Variants in CNTN1 observed in about 807,000 individuals in gnomAD.
CNTN1 encodes the protein contactin-1.
Under a neutral mutation model 126.4 loss-of-function variants are expected in CNTN1, and 38 were observed. That is an observed-to-expected ratio of 0.30 (90% CI 0.23 to 0.39). The LOEUF is 0.39. CNTN1 is among the 10% of genes least tolerant of loss of function. CNTN1 has a pLI of 1.00. For missense variants in CNTN1, 1,009 were observed against 1,248.4 expected (o/e 0.81, Z 2.89); for synonymous variants, 413 against 422.6 (o/e 0.98, Z 0.28).
intron 19 of CNTN1, among the ~76,000 whole-genome samples, chr12:41,019,767 T>C (rs1433992219): frequency 2.0e-5 from 3 of 152,216 alleles, no homozygotes. Context: ...TTAAAAATTT[T>C]TTTTTAAAGA....
chr12:40,900,332 A>G (rs1274139145), intron 1 of CNTN1, among the ~76,000 whole-genome samples: 2 of 152,238 alleles, frequency 1.3e-5, no homozygotes, highest in African/African-American at 2.4e-5. Flanking sequence ...ACACAGGACT[A>G]TAATTGCTAC....
intron 1 of CNTN1, among the ~76,000 whole-genome samples, chr12:40,738,415 A>C (rs575764770): frequency 2.4e-4 from 37 of 152,202 alleles, no homozygotes; most frequent in African/African-American, 8.7e-4. Flanking sequence ...TTAGAAAAAC[A>C]ATTTATGAAA....
Position 40,970,122 on chromosome 12 carries a change from G to C in CNTN1, c.1805-10787G>C, listed in dbSNP as rs566479817. Among the ~76,000 whole-genome samples the C allele has an allele frequency of 5.1e-4, 77 of 152,118 alleles. 1 individual carries two copies. The highest frequency in any genetic ancestry group is 1.4e-3 in the Admixed American group (21 of 15,254). Reference sequence around the variant, plus strand: ...ATGTGTAGGGTCTAAGCAACTTGGAGGACCACTATTTGATATCTTTCTACA... The same window carrying C: ...ATGTGTAGGGTCTAAGCAACTTGGACGACCACTATTTGATATCTTTCTACA... On this transcript the variant is annotated intron_variant, in intron 15 of 23. Transcript: ENST00000551295.
intron 1 of CNTN1, among the ~76,000 whole-genome samples, chr12:40,780,476 C>T (rs1939749351): frequency 6.6e-6 from 1 of 151,730 alleles, no homozygotes; most frequent in African/African-American, 2.4e-5. Context: ...ATGGCAGCTA[C>T]AGTATTTCAA....
At chr12:40,803,422 G>A (rs1712104413) in intron 1 of CNTN1, among the ~76,000 whole-genome samples, 1 of 151,918 alleles carries the variant, frequency 6.6e-6, no homozygotes, top group Admixed American at 6.6e-5. Flanking sequence ...TGAATTTAAT[G>A]TTTAATTTTG....
At chr12:40,835,545 A>G (rs2136564033) in intron 1 of CNTN1, among the ~76,000 whole-genome samples, 1 of 152,090 alleles carries the variant, frequency 6.6e-6, no homozygotes, top group Non-Finnish European at 1.5e-5. Context: ...ATTACTTTCT[A>G]TTTTACTAGC....
intron 23 of CNTN1, among the ~76,000 whole-genome samples, chr12:41,063,383 G>A (rs968470268): frequency 2.0e-5 from 3 of 152,252 alleles, no homozygotes; most frequent in Non-Finnish European, 4.4e-5. Flanking sequence ...GCTATGGGCA[G>A]AATATAATTC....
At chr12:40,841,461 C>A (rs1436209255) in intron 1 of CNTN1, among the ~76,000 whole-genome samples, 1 of 152,138 alleles carries the variant, frequency 6.6e-6, no homozygotes, top group South Asian at 2.1e-4. Context: ...ACACCAAAAC[C>A]AGACAAGAAC....
rs764430939 is a variant in CNTN1 at position 40,939,364 on chromosome 12, A to G, written c.1258A>G (p.Met420Val). 1.7e-5 allele frequency: 27 copies of G among 1,613,808 alleles called. No homozygotes were observed. The highest frequency in any genetic ancestry group is 1.1e-5 in the South Asian group (1 of 91,088). Residue 420 changes from methionine to valine, a missense_variant, in exon 12 of 24, where the codon ATG becomes GTG. Met to Val is a conservative substitution (Grantham distance 21). Coordinates refer to ENST00000551295, the MANE Select transcript of CNTN1 (RefSeq NM_001843.4). Reference protein sequence around the residue: ...ALAPTFEMNPMKKKILAAKGG... With the variant: ...ALAPTFEMNPVKKKILAAKGG... ...GGCTCCAACTTTTGAAATGAATCCT[A>G]TGAAGAAAAAGATCCTGGCTGCTAA...
chr12:40,728,101 C>T (rs1235382585), intron 1 of CNTN1, among the ~76,000 whole-genome samples: 4 of 152,226 alleles, frequency 2.6e-5, no homozygotes, highest in South Asian at 4.2e-4. Flanking sequence ...AAAAGGATTC[C>T]GGGTTGAGGA....
chr12:41,040,765 G>A (rs1473025892), intron 23 of CNTN1, among the ~76,000 whole-genome samples: 2 of 150,954 alleles, frequency 1.3e-5, no homozygotes, highest in African/African-American at 4.9e-5. Context: ...CATTGATTTT[G>A]TATCCTGAGA....
At chr12:40,695,543 C>CT (rs749440100) in intron 1 of CNTN1, among the ~76,000 whole-genome samples, 6 of 152,134 alleles carry the variant, frequency 3.9e-5, no homozygotes, top group Non-Finnish European at 8.8e-5. Context: ...ACAAATTCTC[C>CT]AATTTCCATC....
chr12:41,043,835 T>C (rs1217201160), intron 23 of CNTN1, among the ~76,000 whole-genome samples: 5 of 150,762 alleles, frequency 3.3e-5, no homozygotes, highest in African/African-American at 1.2e-4. Context: ...AATGATGAGT[T>C]CATGTCCTTT....
In CNTN1 at chr12:40,707,037, C is replaced by CGT. The variant is rs1565625631; in HGVS notation, c.-77+14446_-77+14447insTG. Among the ~76,000 whole-genome samples, 259 of 111,830 alleles carry CGT rather than the reference C, an allele frequency of 2.3e-3. 2 individuals carry two copies. Among genetic ancestry groups the CGT allele is most frequent in the African/African-American group, 8.6e-3 (246 of 28,530 alleles). 73.4% of individuals were successfully genotyped at this position (111,830 alleles called of 152,430 possible). ...ACATACATATAAAGACGTGCGCGCG[C>CGT]GCGCTTGCGCACACACACACACACA... On this transcript the variant is annotated intron_variant, in intron 1 of 23. Transcript: ENST00000551295.
At chr12:41,014,444 A>C in intron 18 of CNTN1, 146 bp downstream of exon 18, 1 of 827,354 alleles carries the variant, frequency 1.2e-6, no homozygotes, top group Non-Finnish European at 2.0e-6. Context: ...TCTTAAATGC[A>C]AATCAGATTT....
At position 40,755,445 on chromosome 12, in the gene CNTN1, G is replaced by A. The variant is rs540550186; in HGVS notation, c.-77+62853G>A. 2.0e-3 allele frequency among the ~76,000 whole-genome samples: 306 copies of A among 151,640 alleles called. 4 individuals are homozygous for A. Among genetic ancestry groups the A allele is most frequent in the African/African-American group, 7.2e-3 (297 of 41,346 alleles). The stretch of plus-strand genomic sequence containing the variant: ...AAGAAGAAAAAGAGCTGGGCAAGGC[G>A]GGTCACATGATAATCCTAGTACTTT... On this transcript the variant is annotated intron_variant, in intron 1 of 23. Coordinates refer to ENST00000551295, the MANE Select transcript of CNTN1 (RefSeq NM_001843.4).
At chr12:40,728,437 G>A (rs899400059) in intron 1 of CNTN1, among the ~76,000 whole-genome samples, 5 of 152,130 alleles carry the variant, frequency 3.3e-5, no homozygotes, top group African/African-American at 1.2e-4. Context: ...GCAACTAGTA[G>A]TAAGCTCTGT....
chr12:40,731,807 C>A (rs927324546), intron 1 of CNTN1, among the ~76,000 whole-genome samples: 1 of 151,890 alleles, frequency 6.6e-6, no homozygotes, highest in Non-Finnish European at 1.5e-5. Flanking sequence ...AATAAATACA[C>A]ACAAATACAT....
At chr12:40,821,971 C>T (rs1941453122) in intron 1 of CNTN1, among the ~76,000 whole-genome samples, 1 of 151,448 alleles carries the variant, frequency 6.6e-6, no homozygotes. Context: ...AAAACAAAAT[C>T]AAAATTTGTG....
Sources: gnomAD v4.1 joint callset for allele counts (sites outside exome capture counted in the v4.1 genomes callset) on GRCh38, gnomAD v4.1.1 for gene constraint, MANE v1.5 for transcripts, NCBI Gene and HGNC (gene_info 2026-07-23, HGNC 2026-07-21) for gene names.